The following MICU1 variants were observed in gnomAD, a reference collection of about 807,000 sequenced individuals.
MICU1 encodes calcium uptake protein 1, mitochondrial.
In MICU1, 45 loss-of-function variants were observed where a neutral mutation model predicts 56.8. The observed-to-expected ratio is 0.79, with a 90% confidence interval of 0.62 to 1.02. The LOEUF (loss-of-function observed/expected upper bound fraction) is 1.02. Among genes scored for constraint, MICU1 ranks in the 50% least tolerant of loss-of-function variants. The probability of loss-of-function intolerance (pLI) is 0.00; values close to 1 mark genes in which losing one functional copy is unlikely to be tolerated. For synonymous variants in MICU1, 186 were observed against 195.1 expected, an observed-to-expected ratio of 0.95 and a Z score of 0.39; for missense variants, 504 against 587.1, an observed-to-expected ratio of 0.86 and a Z score of 1.46.
At chr10:72,526,826 C>G (rs1294954679) in intron 5 of MICU1, among the ~76,000 whole-genome samples, 1 of 151,150 alleles carries the variant, frequency 6.6e-6, no homozygotes, top group Non-Finnish European at 1.5e-5. Context: ...AAAAATTTTA[C>G]TACCTTACCT....
intron 11 of MICU1, among the ~76,000 whole-genome samples, chr10:72,371,245 G>A (rs1820084684): frequency 6.6e-6 from 1 of 151,602 alleles, no homozygotes; most frequent in African/African-American, 2.4e-5. Flanking sequence ...AAAATAGCTG[G>A]GCGTGGTGGC....
At chr10:72,458,733 A>G (rs2132231692) in intron 8 of MICU1, among the ~76,000 whole-genome samples, 1 of 149,750 alleles carries the variant, frequency 6.7e-6, no homozygotes, top group African/African-American at 2.5e-5. Context: ...AAATAAATAC[A>G]GGGTCTCACT....
intron 10 of MICU1, among the ~76,000 whole-genome samples, chr10:72,385,501 C>T (rs536096774): frequency 6.6e-6 from 1 of 151,948 alleles, no homozygotes; most frequent in Admixed American, 6.6e-5. Context: ...AAAAACCAAC[C>T]AAACAAACAA....
In MICU1 at chr10:72,368,157, G is replaced by A; in HGVS notation, c.*38C>T. 1 of 1,592,494 alleles carries A rather than the reference G, an allele frequency of 6.3e-7. No homozygotes were observed. The highest frequency in any genetic ancestry group is 8.6e-7 in the Non-Finnish European group (1 of 1,165,994). ...CGAGACTCTGCGGAGGGGGTCCAGG[G>A]TACTGGGGGTGGAGGGGTCCCCTCT... On this transcript the variant is annotated 3_prime_UTR_variant, in exon 12 of 12. Transcript: ENST00000361114.
intron 9 of MICU1, among the ~76,000 whole-genome samples, chr10:72,416,722 A>G (rs1485590761): frequency 6.6e-6 from 1 of 152,134 alleles, no homozygotes; most frequent in East Asian, 1.9e-4. Context: ...CTCCATGTTT[A>G]AGGCCAAGTT....
intron 10 of MICU1, among the ~76,000 whole-genome samples, chr10:72,396,326 G>C (rs1246248606): frequency 6.6e-6 from 1 of 152,208 alleles, no homozygotes; most frequent in East Asian, 1.9e-4. Flanking sequence ...ACAAAGATGG[G>C]GAGAAACCAG....
chr10:72,489,290 T>TCA (rs67070756), intron 6 of MICU1, among the ~76,000 whole-genome samples: 42,725 of 141,252 alleles, frequency 0.3, 6,983 homozygotes, highest in East Asian at 0.63. Flanking sequence ...CGAGACTCTG[T>TCA]CACACACACA....
chr10:72,494,513 T>C (rs1288796981), intron 6 of MICU1, among the ~76,000 whole-genome samples: 2 of 152,156 alleles, frequency 1.3e-5, no homozygotes, highest in Non-Finnish European at 2.9e-5. Context: ...TGAAATTACA[T>C]AGGATGGTTA....
intron 4 of MICU1, among the ~76,000 whole-genome samples, chr10:72,542,642 T>C (rs1372081830): frequency 6.6e-6 from 1 of 152,190 alleles, no homozygotes; most frequent in Non-Finnish European, 1.5e-5. Flanking sequence ...CAGTGCTCCT[T>C]TAGCTCTGCC....
chr10:72,575,022 T>C (rs527892547), intron 1 of MICU1, among the ~76,000 whole-genome samples: 1 of 152,362 alleles, frequency 6.6e-6, no homozygotes, highest in African/African-American at 2.4e-5. Context: ...GAGTTTCTTG[T>C]GGGATTTTTA....
intron 5 of MICU1, among the ~76,000 whole-genome samples, chr10:72,526,832 T>A (rs1470759180): frequency 6.6e-6 from 1 of 151,412 alleles, no homozygotes; most frequent in Non-Finnish European, 1.5e-5. Context: ...TTTACTACCT[T>A]ACCTAATACT....
intron 8 of MICU1, among the ~76,000 whole-genome samples, chr10:72,428,573 A>G (rs77944350): frequency 0.027 from 4,138 of 152,190 alleles, 181 homozygotes; most frequent in African/African-American, 0.096. Context: ...CTCGGCCTCA[A>G]GTGCTGGGAT....
chr10:72,398,189 T>G (rs1391340865), intron 10 of MICU1, among the ~76,000 whole-genome samples: 1 of 152,192 alleles, frequency 6.6e-6, no homozygotes. Context: ...CCTGAATGAC[T>G]ACTGGGTAAA....
intron 9 of MICU1, among the ~76,000 whole-genome samples, chr10:72,411,544 G>T (rs1227159394): frequency 1.3e-5 from 2 of 151,952 alleles, no homozygotes; most frequent in African/African-American, 4.8e-5. Flanking sequence ...TGTTAGCCAG[G>T]ATGGTCTCGA....
chr10:72,378,448 T>C (rs527508802), intron 10 of MICU1, among the ~76,000 whole-genome samples: 1 of 152,162 alleles, frequency 6.6e-6, no homozygotes, highest in African/African-American at 2.4e-5. Context: ...CTCTTCCTCC[T>C]GCTCTGGCCA....
intron 6 of MICU1, among the ~76,000 whole-genome samples, chr10:72,481,521 C>T (rs1013865018): frequency 6.6e-6 from 1 of 152,098 alleles, no homozygotes; most frequent in Non-Finnish European, 1.5e-5. Context: ...AAGTGATTCT[C>T]GTGCCTCAGT....
At chr10:72,547,527 A>C (rs1323930107) in intron 4 of MICU1, among the ~76,000 whole-genome samples, 2 of 103,250 alleles carry the variant, frequency 1.9e-5, no homozygotes, top group Non-Finnish European at 4.4e-5. Context: ...GAATATATAC[A>C]CATATGTATA....
rs139932672 is a variant in MICU1, at chr10:72,571,105, T to C, written c.-1-4311A>G. ...CAGGATGAGTGCAGTGGCTCACACCTGTAATCCCAGCACTTTGGGAGGCCA... is the reference window on the plus strand; with the variant it reads ...CAGGATGAGTGCAGTGGCTCACACCCGTAATCCCAGCACTTTGGGAGGCCA... On this transcript the variant is annotated intron_variant, in intron 1 of 11. Coordinates refer to ENST00000361114, the MANE Select transcript of MICU1 (RefSeq NM_001195518.2). 7.4e-3 allele frequency among the ~76,000 whole-genome samples: 1,131 copies of C among 152,312 alleles called. 12 individuals are homozygous for C. The highest frequency in any genetic ancestry group is 0.026 in the African/African-American group (1,069 of 41,560).
intron 7 of MICU1, among the ~76,000 whole-genome samples, chr10:72,476,875 T>C (rs1866141249): frequency 6.6e-6 from 1 of 152,216 alleles, no homozygotes; most frequent in East Asian, 1.9e-4. Flanking sequence ...TTTTGGTAAA[T>C]GTTGAATTGC....
Sources: gnomAD v4.1 joint callset for allele counts (sites outside exome capture counted in the v4.1 genomes callset) on GRCh38, gnomAD v4.1.1 for gene constraint, MANE v1.5 for transcripts, NCBI Gene and HGNC (gene_info 2026-07-23, HGNC 2026-07-21) for gene names.